The following ANKRD45 variants were observed in gnomAD, a reference collection of about 807,000 sequenced individuals.
The protein encoded by ANKRD45 is ankyrin repeat domain 45.
A neutral mutation model predicts 28.1 loss-of-function variants in ANKRD45; 21 were observed. The observed-to-expected ratio is 0.75, with a 90% CI of 0.53 to 1.08. ANKRD45 has a LOEUF of 1.08. ANKRD45 is among the 50% of genes least tolerant of loss of function. The probability of loss-of-function intolerance (pLI) is 0.00; values close to 1 mark genes in which losing one functional copy is unlikely to be tolerated. For synonymous variants in ANKRD45, 86 were observed against 103.9 expected, an observed-to-expected ratio of 0.83 and a Z score of 1.05; for missense variants, 261 against 308.7, an observed-to-expected ratio of 0.85 and a Z score of 1.16.
At chr1:173,658,392 G>A (rs1345341254) in intron 2 of ANKRD45, 1 of 152,162 alleles carries the variant, frequency 6.6e-6, no homozygotes, top group Non-Finnish European at 1.5e-5. Flanking sequence ...TTACCTTTTT[G>A]TTACTACTTT....
chr1:173,612,276 G>A (rs1571670979), intron 5 of ANKRD45, among the ~76,000 whole-genome samples: 1 of 133,232 alleles, frequency 7.5e-6, no homozygotes, highest in African/African-American at 3.8e-5. Context: ...AGAGAGAGAG[G>A]GAGGAAGGAA....
At chr1:173,684,663 C>G in the ANKRD45 span, among the ~76,000 whole-genome samples, 1 of 152,182 alleles carries the variant, frequency 6.6e-6, no homozygotes. Flanking sequence ...CCTTGCAATG[C>G]CTTTGTTATA....
chr1:173,655,916 C>T (rs1221489829), intron 2 of ANKRD45, among the ~76,000 whole-genome samples: 1 of 152,204 alleles, frequency 6.6e-6, no homozygotes, highest in Non-Finnish European at 1.5e-5. Context: ...AAGCCAGGCA[C>T]GGGATATAAT....
intron 3 of ANKRD45, among the ~76,000 whole-genome samples, chr1:173,642,879 T>C (rs1273571523): frequency 6.6e-6 from 1 of 152,178 alleles, no homozygotes; most frequent in Non-Finnish European, 1.5e-5. Flanking sequence ...GGTGGATGCA[T>C]CAGGTTATAA....
At chr1:173,642,758 T>C (rs1668755714) in intron 3 of ANKRD45, among the ~76,000 whole-genome samples, 1 of 152,234 alleles carries the variant, frequency 6.6e-6, no homozygotes, top group African/African-American at 2.4e-5. Flanking sequence ...TCTCTTCCTT[T>C]GTTCTCCTCT....
At chr1:173,620,741 A>T (rs1040595051) in intron 5 of ANKRD45, among the ~76,000 whole-genome samples, 1 of 145,492 alleles carries the variant, frequency 6.9e-6, no homozygotes, top group African/African-American at 2.5e-5. Flanking sequence ...CTTAAAGTAT[A>T]AAAAAAAAAA....
chr1:173,638,591 T>G (rs1211279349), intron 3 of ANKRD45, among the ~76,000 whole-genome samples: 1 of 152,142 alleles, frequency 6.6e-6, no homozygotes, highest in East Asian at 1.9e-4. Flanking sequence ...AGGAAATGTT[T>G]CGAGTAAGAC....
chr1:173,700,321 C>T, the ANKRD45 span, among the ~76,000 whole-genome samples: 2 of 152,168 alleles, frequency 1.3e-5, no homozygotes, highest in South Asian at 2.1e-4. Flanking sequence ...GAAAAAACTA[C>T]TTTAAAGTTC....
Position 173,610,140 on chromosome 1 carries a change from T to A in ANKRD45, c.*5A>T, listed in dbSNP as rs748715981. 2 of 1,613,742 alleles carry A rather than the reference T, an allele frequency of 1.2e-6. No homozygotes were observed. Among genetic ancestry groups the A allele is most frequent in the Non-Finnish European group, 8.5e-7 (1 of 1,179,686 alleles). On this transcript the variant is annotated 3_prime_UTR_variant, in exon 6 of 6. Transcript: ENST00000333279. ...AGAAAATGTGGCCTTTTACAGAACGTATGTTCAGTTGGAGGTATCATCTTG... is the reference window on the plus strand; with the variant it reads ...AGAAAATGTGGCCTTTTACAGAACGAATGTTCAGTTGGAGGTATCATCTTG...
At chr1:173,651,255 G>C (rs916159271) in intron 2 of ANKRD45, among the ~76,000 whole-genome samples, 4 of 152,178 alleles carry the variant, frequency 2.6e-5, no homozygotes, top group Non-Finnish European at 5.9e-5. Context: ...AATCCATCTT[G>C]AATTGACTTT....
At chr1:173,611,919 T>C (rs12094752) in intron 5 of ANKRD45, among the ~76,000 whole-genome samples, 24,104 of 152,084 alleles carry the variant, frequency 0.16, 6,357 homozygotes, top group African/African-American at 0.55. Flanking sequence ...AAAGAGCTCA[T>C]ATAACTAAAA....
At chr1:173,615,278 G>A (rs1300748186) in intron 5 of ANKRD45, among the ~76,000 whole-genome samples, 1 of 151,718 alleles carries the variant, frequency 6.6e-6, no homozygotes, top group South Asian at 2.1e-4. Context: ...CCAGCTACTC[G>A]GGAGGCTGAG....
chr1:173,651,478 C>T (rs1038828377), intron 2 of ANKRD45, among the ~76,000 whole-genome samples: 29 of 152,178 alleles, frequency 1.9e-4, no homozygotes, highest in Non-Finnish European at 5.9e-5. Flanking sequence ...CAGTACCATG[C>T]TGTTTTGCTT....
intron 5 of ANKRD45, among the ~76,000 whole-genome samples, chr1:173,624,522 C>A (rs1667841929): frequency 6.6e-6 from 1 of 151,020 alleles, no homozygotes; most frequent in African/African-American, 2.4e-5. Flanking sequence ...AACAAAGCTA[C>A]AGTAATCCCA....
At chr1:173,677,926 G>A in the ANKRD45 span, among the ~76,000 whole-genome samples, 1 of 152,106 alleles carries the variant, frequency 6.6e-6, no homozygotes, top group Non-Finnish European at 1.5e-5. Context: ...ATATTATGTT[G>A]GAAGAAAACA....
the ANKRD45 span, among the ~76,000 whole-genome samples, chr1:173,675,072 A>C: frequency 5.9e-5 from 9 of 152,142 alleles, no homozygotes; most frequent in Non-Finnish European, 1.2e-4. Flanking sequence ...CAAAAGAACG[A>C]TCCTGGAAAA....
intron 2 of ANKRD45, among the ~76,000 whole-genome samples, chr1:173,652,254 T>A (rs1381334437): frequency 6.6e-6 from 1 of 152,198 alleles, no homozygotes; most frequent in Non-Finnish European, 1.5e-5. Flanking sequence ...GCTCTTATTA[T>A]TTTGAGATAC....
intron 1 of ANKRD45, among the ~76,000 whole-genome samples, chr1:173,663,576 T>C (rs1197424033): frequency 6.6e-6 from 1 of 152,228 alleles, no homozygotes; most frequent in African/African-American, 2.4e-5. Flanking sequence ...TAAGACTATT[T>C]TCCAATCTCT....
At chr1:173,668,567 C>T (rs917913307) in intron 1 of ANKRD45, among the ~76,000 whole-genome samples, 5 of 152,276 alleles carry the variant, frequency 3.3e-5, no homozygotes, top group Non-Finnish European at 7.3e-5. Flanking sequence ...ATAGCCAGGG[C>T]ACCATCTCAA....
Sources: allele counts gnomAD v4.1 joint callset (sites outside exome capture counted in the v4.1 genomes callset), GRCh38; gene constraint gnomAD v4.1.1; transcripts MANE v1.5; gene names NCBI Gene and HGNC (gene_info 2026-07-23, HGNC 2026-07-21).